The following NIM1K variants were observed in gnomAD, a reference collection of about 807,000 sequenced individuals.
The protein encoded by NIM1K is serine/threonine-protein kinase NIM1.
A neutral mutation model predicts 37.1 loss-of-function variants in NIM1K; 35 were observed. The observed-to-expected ratio is 0.94, with a 90% CI of 0.72 to 1.25. The LOEUF is 1.25. NIM1K is among the 50% of genes most tolerant of loss of function. NIM1K has a pLI of 0.00. For missense variants in NIM1K, 564 were observed against 548.0 expected, an observed-to-expected ratio of 1.03 and a Z score of -0.29; for synonymous variants, 234 against 206.6, an observed-to-expected ratio of 1.13 and a Z score of -1.14.
chr5:43,198,359 G>GCT (rs1168163520), intron 1 of NIM1K, among the ~76,000 whole-genome samples: 2 of 123,380 alleles, frequency 1.6e-5, no homozygotes, highest in African/African-American at 3.1e-5. Flanking sequence ...TTTCTGTCTT[G>GCT]CTCTCTCTCT....
intron 2 of NIM1K, among the ~76,000 whole-genome samples, chr5:43,271,817 C>G (rs1753261051): frequency 6.6e-6 from 1 of 152,212 alleles, no homozygotes; most frequent in Admixed American, 6.5e-5. Context: ...TCTGTAGCCA[C>G]CTCCTAACCC....
chr5:43,213,111 T>C (rs2112218863), intron 1 of NIM1K, among the ~76,000 whole-genome samples: 1 of 152,258 alleles, frequency 6.6e-6, no homozygotes. Flanking sequence ...TTCTAAGTCC[T>C]CCTATTTCTG....
chr5:43,195,784 C>T (rs984485885), intron 1 of NIM1K, among the ~76,000 whole-genome samples: 1 of 151,672 alleles, frequency 6.6e-6, no homozygotes, highest in Non-Finnish European at 1.5e-5. Flanking sequence ...AAATTCAGGG[C>T]ATGGATAGCG....
chr5:43,253,696 G>T (rs1381057196), intron 2 of NIM1K, among the ~76,000 whole-genome samples: 1 of 150,376 alleles, frequency 6.6e-6, no homozygotes, highest in Non-Finnish European at 1.5e-5. Context: ...GTCTTGCCCT[G>T]TCACCCAGCC....
chr5:43,244,636 T>A (rs1752750283), intron 1 of NIM1K, among the ~76,000 whole-genome samples: 1 of 151,754 alleles, frequency 6.6e-6, no homozygotes, highest in African/African-American at 2.4e-5. Flanking sequence ...GAAGAAAGAG[T>A]GGAAGCAACT....
Position 43,277,813 on chromosome 5 carries a change from TGTGA to T in NIM1K, c.561+490_561+493del, listed in dbSNP as rs1429252205. On this transcript the variant is annotated intron_variant, in intron 3 of 3. Transcript: ENST00000326035. ...GTGTGTGTGTGTGTGTGTGTGTGTG[TGTGA>T]GAGAGAGAGAGAGAGAGAGAGAGAG... 3.4e-3 allele frequency among the ~76,000 whole-genome samples: 487 copies of T among 143,912 alleles called. 3 individuals are homozygous for T. The highest frequency in any genetic ancestry group is 0.02 in the Middle Eastern group (5 of 252). 94.4% of individuals were successfully genotyped at this position (143,912 alleles called of 152,430 possible).
In NIM1K at chr5:43,280,276, C is replaced by T. The variant is rs779249034; in HGVS notation, c.858C>T (p.Gly286=). Residue 286 remains glycine, a synonymous_variant, in exon 4 of 4, where the codon GGC becomes GGT. Coordinates refer to ENST00000326035, the MANE Select transcript of NIM1K (RefSeq NM_153361.4). Reference sequence around the variant, plus strand: ...AACTAAAAAAGAGCATCCTCGAGGGCACATACAGTGTACCGCCGCACGTGT... The same window carrying T: ...AACTAAAAAAGAGCATCCTCGAGGGTACATACAGTGTACCGCCGCACGTGT... ...VAKLKKSILE[G]TYSVPPHVSE... is the part of the protein sequence containing the mutation. 1.1e-5 allele frequency: 17 copies of T among 1,614,134 alleles called. No homozygotes were observed. The South Asian group carries it at 1.8e-4, about 17-fold the overall frequency.
intron 2 of NIM1K, among the ~76,000 whole-genome samples, chr5:43,269,829 A>G (rs1753228503): frequency 1.3e-5 from 2 of 152,128 alleles, no homozygotes; most frequent in South Asian, 4.1e-4. Context: ...CATGTTAGCC[A>G]GGATGGTCTC....
chr5:43,244,794 C>A (rs1023583354), intron 1 of NIM1K, among the ~76,000 whole-genome samples: 3 of 152,052 alleles, frequency 2.0e-5, no homozygotes, highest in African/African-American at 7.2e-5. Flanking sequence ...GGTTTTAAAG[C>A]AACACAAGGC....
chr5:43,251,892 T>C (rs1474131443), intron 2 of NIM1K, among the ~76,000 whole-genome samples: 1 of 152,098 alleles, frequency 6.6e-6, no homozygotes, highest in East Asian at 1.9e-4. Context: ...CAGCTGAAAA[T>C]GAACTACCTT....
At chr5:43,217,708 A>ATTTTTTT (rs71608698) in intron 1 of NIM1K, among the ~76,000 whole-genome samples, 14 of 93,622 alleles carry the variant, frequency 1.5e-4, no homozygotes, top group African/African-American at 3.9e-4. Context: ...TCCTCTGTCT[A>ATTTTTTT]TTTTTTTTTT....
At chr5:43,194,235 T>C (rs887752234) in intron 1 of NIM1K, among the ~76,000 whole-genome samples, 28 of 152,100 alleles carry the variant, frequency 1.8e-4, no homozygotes, top group Non-Finnish European at 3.5e-4. Flanking sequence ...GCTTTCTAAT[T>C]AGGAGATGGG....
chr5:43,226,184 G>A (rs2112236778), intron 1 of NIM1K, among the ~76,000 whole-genome samples: 1 of 152,300 alleles, frequency 6.6e-6, no homozygotes, highest in South Asian at 2.1e-4. Flanking sequence ...CCCTTTTAAG[G>A]GTTTTAGCTT....
chr5:43,226,879 T>C (rs1752463812), intron 1 of NIM1K, among the ~76,000 whole-genome samples: 1 of 151,646 alleles, frequency 6.6e-6, no homozygotes, highest in South Asian at 2.1e-4. Flanking sequence ...GAAATGTGAG[T>C]GTGGTAGTCA....
chr5:43,225,260 CAAAAAAAAAAAAAAA>C (rs10555794), intron 1 of NIM1K, among the ~76,000 whole-genome samples: 48 of 72,710 alleles, frequency 6.6e-4, no homozygotes, highest in African/African-American at 2.0e-3. Context: ...ACCCTCTTTC[CAAAAAAAAAAAAAAA>C]AAAAAAAAAA....
At chr5:43,239,950 T>G (rs1752675996) in intron 1 of NIM1K, among the ~76,000 whole-genome samples, 1 of 152,094 alleles carries the variant, frequency 6.6e-6, no homozygotes, top group South Asian at 2.1e-4. Context: ...AGCAATCCAT[T>G]AGATATTAGA....
At chr5:43,224,512 A>G (rs949479336) in intron 1 of NIM1K, among the ~76,000 whole-genome samples, 2 of 151,994 alleles carry the variant, frequency 1.3e-5, no homozygotes, top group African/African-American at 4.8e-5. Context: ...TCCTTAGTAG[A>G]AACACAGATT....
intron 1 of NIM1K, chr5:43,207,483 A>G: frequency 1.3e-6 from 1 of 743,244 alleles, no homozygotes; most frequent in South Asian, 1.3e-5. Context: ...TACACCAAAG[A>G]AGGGAGATAA....
intron 2 of NIM1K, among the ~76,000 whole-genome samples, chr5:43,265,124 T>C (rs577470386): frequency 2.6e-5 from 4 of 152,228 alleles, no homozygotes; most frequent in Non-Finnish European, 5.9e-5. Context: ...GGAGTATCTT[T>C]GTGATGTTCT....
Sources: gnomAD v4.1 joint callset for allele counts (sites outside exome capture counted in the v4.1 genomes callset) on GRCh38, gnomAD v4.1.1 for gene constraint, MANE v1.5 for transcripts, NCBI Gene and HGNC (gene_info 2026-07-23, HGNC 2026-07-21) for gene names.